The following IL1A variants were observed in gnomAD, a reference collection of about 807,000 sequenced individuals.
The protein encoded by IL1A is interleukin 1 alpha, also known as interleukin-1 alpha.
In IL1A, 16 loss-of-function variants were observed where a neutral mutation model predicts 22.2. The observed-to-expected ratio is 0.72, with a 90% CI of 0.49 to 1.09. The LOEUF (loss-of-function observed/expected upper bound fraction) is 1.09. IL1A is among the 50% of genes least tolerant of loss of function. IL1A has a pLI of 0.00. For synonymous variants in IL1A, 113 were observed against 118.5 expected (o/e 0.95, Z 0.30); for missense variants, 317 against 321.8 (o/e 0.99, Z 0.11).
At chr2:112,777,370 G>A (rs529940004) in intron 6 of IL1A, among the ~76,000 whole-genome samples, 27 of 152,302 alleles carry the variant, frequency 1.8e-4, no homozygotes, top group African/African-American at 6.0e-4. Context: ...AATTCTACTT[G>A]GGAATAGAAG....
Position 112,781,911 on chromosome 2 carries a change from G to C in IL1A, c.97-85C>G, listed in dbSNP as rs1339193690. ...TCAGTAGGTGCTGTATTCAACAGAG[G>C]TAGTGAGGAGGATCTCCATTCTGGT... On this transcript the variant is annotated intron_variant, in intron 3 of 6. Transcript: ENST00000263339. 6 of 884,574 alleles carry C rather than the reference G, an allele frequency of 6.8e-6. No homozygotes were observed. In the African/African-American group the frequency reaches 9.9e-5, roughly 15 times the overall value. 54.8% of individuals were successfully genotyped at this position (884,574 alleles called of 1,614,324 possible).
intron 3 of IL1A, among the ~76,000 whole-genome samples, chr2:112,782,031 G>T (rs563489307): frequency 7.9e-5 from 12 of 152,190 alleles, no homozygotes; most frequent in African/African-American, 2.9e-4. Context: ...ATTTTTTTAG[G>T]AAGACTTTTT....
Position 112,774,550 on chromosome 2 carries a change from CTG to C in IL1A, c.*515_*516del, listed in dbSNP as rs1401115307. On this transcript the variant is annotated 3_prime_UTR_variant, in exon 7 of 7. Transcript: ENST00000263339. Reference sequence around the variant, plus strand: ...TGACCTCCCTGATTAGCATAAAAAACTGTTGCGGCAGGAAGGCTTAGGTATTA... The same window carrying C: ...TGACCTCCCTGATTAGCATAAAAAACTTGCGGCAGGAAGGCTTAGGTATTA... The C allele has an allele frequency of 6.6e-6, 1 of 152,056 alleles. No homozygotes were observed. The highest frequency in any genetic ancestry group is 1.5e-5 in the Non-Finnish European group (1 of 68,036). The allele number at this position is 152,056 out of a possible 1,614,324, so 9.4% of individuals were successfully genotyped here.
At chr2:112,778,211 TG>T (rs1681134767) in intron 5 of IL1A, 100 bp from the exon 6 acceptor site, 1 of 885,260 alleles carries the variant, frequency 1.1e-6, no homozygotes, top group Admixed American at 2.4e-5. Flanking sequence ...TGTGTGTGTG[TG>T]TGTGTGTGTG....
chr2:112,782,792 ATTG>A (rs779905854), intron 2 of IL1A, 28 bp from the exon 3 acceptor site: 15 of 1,552,590 alleles, frequency 9.7e-6, no homozygotes, highest in Admixed American at 8.4e-5. Context: ...TGAGAATGTA[ATTG>A]TTGTTATTTC....
Position 112,781,676 on chromosome 2 carries a change from T to C in IL1A, c.247A>G (p.Lys83Glu). 6.2e-7 allele frequency: 1 copy of C among 1,614,230 alleles called. No homozygotes were observed. The highest frequency in any genetic ancestry group is 2.2e-5 in the East Asian group (1 of 44,890). Residue 83 changes from lysine to glutamate, a missense_variant, in exon 4 of 7, where the codon AAG becomes GAG. Physicochemically the swap from Lys to Glu is moderately conservative, Grantham distance 56. Coordinates refer to ENST00000263339, the MANE Select transcript of IL1A (RefSeq NM_000575.5). ...GATTGGCTTAAACTCAACCGTCTCT[T>C]CTTCAGAACCTTCCCGTTGGTTGCT... ...VVATNGKVLK[K>E]RRLSLSQSIT...
chr2:112,782,699 TAC>T lies in IL1A; in HGVS notation c.96+15_96+16del. 1 of 1,569,470 alleles carries T rather than the reference TAC, an allele frequency of 6.4e-7. No homozygotes were observed. The highest frequency in any genetic ancestry group is 1.1e-5 in the South Asian group (1 of 89,858). On this transcript the variant is annotated intron_variant, in intron 3 of 6. Coordinates refer to ENST00000263339, the MANE Select transcript of IL1A (RefSeq NM_000575.5). ...GTAAGAATAGCAGTCCCATGAGAATTACAGTCATTTGCTTACCTGATTCAGAG... is the reference window on the plus strand; with the variant it reads ...GTAAGAATAGCAGTCCCATGAGAATTAGTCATTTGCTTACCTGATTCAGAG...
chr2:112,775,921 A>G (rs980997626), intron 6 of IL1A, among the ~76,000 whole-genome samples: 4 of 152,164 alleles, frequency 2.6e-5, no homozygotes. Context: ...CTTCTTTCCT[A>G]TTCTTTTAAA....
intron 2 of IL1A, 87 bp downstream of exon 2, chr2:112,783,637 C>T (rs1257363929): frequency 7.2e-6 from 8 of 1,105,716 alleles, no homozygotes; most frequent in Non-Finnish European, 1.1e-5. Flanking sequence ...CCGGCCTGCC[C>T]CCATGCTGGC....
At chr2:112,782,861 A>G (rs1681238720) in intron 2 of IL1A, 97 bp from the exon 3 acceptor site, 1 of 832,070 alleles carries the variant, frequency 1.2e-6, no homozygotes, top group Non-Finnish European at 2.1e-6. Context: ...GGTCACACAC[A>G]TACACATGGC....
In IL1A at chr2:112,777,977, G is replaced by C; in HGVS notation, c.615+10C>G. The C allele has an allele frequency of 2.5e-6, 4 of 1,613,814 alleles. No individual in the cohort carries two copies. The highest frequency in any genetic ancestry group is 2.5e-6 in the Non-Finnish European group (3 of 1,179,854). On this transcript the variant is annotated intron_variant, in intron 6 of 6. Transcript: ENST00000263339. ...AAATGAAGGTAAGTTGGAGACAAAG[G>C]ACAACTGACCTTCAGCAGCACTGGT... is the stretch of plus-strand genomic sequence containing the variant.
chr2:112,781,815 A>T lies in IL1A; in HGVS notation c.108T>A (p.Tyr36Ter), dbSNP rs755686022. ...CATGGAGTGGGCCATAGCTTACATG[A>T]TAGAAGGATTTCTGTGAGGAAGGAA... ...DHLSLNQKSF[Y>*]HVSYGPLHEG... Residue 36 changes from tyrosine to a stop codon, truncating the protein, a stop_gained, in exon 4 of 7, where the codon TAT becomes TAA. Coordinates refer to ENST00000263339, the MANE Select transcript of IL1A (RefSeq NM_000575.5). LOFTEE classifies it high-confidence loss of function. The T allele has an allele frequency of 2.5e-6, 4 of 1,613,060 alleles. No individual in the cohort carries two copies. Among genetic ancestry groups the T allele is most frequent in the Non-Finnish European group, 3.4e-6 (4 of 1,178,962 alleles).
At chr2:112,776,231 C>A (rs909579851) in intron 6 of IL1A, among the ~76,000 whole-genome samples, 1 of 152,186 alleles carries the variant, frequency 6.6e-6, no homozygotes, top group Non-Finnish European at 1.5e-5. Context: ...CAGGCCATTG[C>A]ACTGTGTGAA....
Position 112,781,776 on chromosome 2 carries a change from A to G in IL1A, c.147T>C (p.Asp49=), listed in dbSNP as rs764406196. ...CAGAGATACTCAGAGACACAGATTG[A>G]TCCATGCAGCCTTCATGGAGTGGGC... is the stretch of plus-strand genomic sequence containing the variant. ...SYGPLHEGCM[D]QSVSLSISET... is the part of the protein sequence containing the mutation. Residue 49 remains aspartate, a synonymous_variant, in exon 4 of 7, where the codon GAT becomes GAC. Transcript: ENST00000263339. 2 of 1,614,156 alleles carry G rather than the reference A, an allele frequency of 1.2e-6. No homozygotes were observed. The highest frequency in any genetic ancestry group is 2.2e-5 in the South Asian group (2 of 91,078).
intron 5 of IL1A, among the ~76,000 whole-genome samples, chr2:112,778,614 G>T (rs1374640797): frequency 2.0e-5 from 3 of 152,110 alleles, no homozygotes; most frequent in Non-Finnish European, 4.4e-5. Context: ...TTTGGGATGT[G>T]CTCAAAGAAA....
intron 6 of IL1A, 55 bp from the exon 7 acceptor site, chr2:112,775,322 GA>G: frequency 2.1e-6 from 3 of 1,416,592 alleles, no homozygotes; most frequent in Non-Finnish European, 2.0e-6. Context: ...AAAAAGGACT[GA>G]AGCTCAATCC....
Position 112,779,638 on chromosome 2 carries a change from A to T in IL1A, c.348T>A (p.Phe116Leu). The T allele has an allele frequency of 6.2e-7, 1 of 1,610,992 alleles. No homozygotes were observed. Among genetic ancestry groups the T allele is most frequent in the Non-Finnish European group, 8.5e-7 (1 of 1,177,404 alleles). ...TGTATTTCACATTGCTCAGGAAGCTAAAAGGTGCTGACCTAGGCTTGATGA... is the reference window on the plus strand; with the variant it reads ...TGTATTTCACATTGCTCAGGAAGCTTAAAGGTGCTGACCTAGGCTTGATGA... ...EEIIKPRSAP[F>L]SFLSNVKYNF... The change falls in exon 5 of 7, where the codon TTT (phenylalanine) becomes TTA (leucine). Residue 116 changes from phenylalanine (F) to leucine (L), a missense_variant. Coordinates refer to ENST00000263339, the MANE Select transcript of IL1A (RefSeq NM_000575.5).
At chr2:112,777,547 G>A (rs1263283729) in intron 6 of IL1A, among the ~76,000 whole-genome samples, 1 of 152,204 alleles carries the variant, frequency 6.6e-6, no homozygotes, top group African/African-American at 2.4e-5. Flanking sequence ...GGAAGCAGCA[G>A]GCCCCATTTT....
intron 4 of IL1A, among the ~76,000 whole-genome samples, chr2:112,780,231 C>G (rs1417684262): frequency 6.6e-6 from 1 of 152,082 alleles, no homozygotes; most frequent in African/African-American, 2.4e-5. Context: ...AAAATGTCCT[C>G]AATACATTGC....
Sources: gnomAD v4.1 joint callset for allele counts (sites outside exome capture counted in the v4.1 genomes callset) on GRCh38, gnomAD v4.1.1 for gene constraint, MANE v1.5 for transcripts, NCBI Gene and HGNC (gene_info 2026-07-23, HGNC 2026-07-21) for gene names.